Variants in SPATA18 observed in about 807,000 individuals in gnomAD.
SPATA18 encodes the protein mitochondria-eating protein.
Under a neutral mutation model 68.1 loss-of-function variants are expected in SPATA18, and 54 were observed. That is an observed-to-expected ratio of 0.79 (90% CI 0.64 to 0.99). The LOEUF is 0.99. SPATA18 is among the 50% of genes least tolerant of loss of function. The pLI, the probability that SPATA18 is intolerant of heterozygous loss-of-function variation, is 0.00. For missense variants in SPATA18, 724 were observed against 681.1 expected (o/e 1.06, Z -0.70); for synonymous variants, 242 against 244.8 (o/e 0.99, Z 0.11).
chr4:52,054,775 G>A (rs961385506), intron 1 of SPATA18, among the ~76,000 whole-genome samples: 14 of 151,606 alleles, frequency 9.2e-5, no homozygotes, highest in Non-Finnish European at 1.5e-4. Flanking sequence ...ACTGTGGAAC[G>A]GGAGGGGATC....
At position 52,071,971 on chromosome 4, in the gene SPATA18, G is replaced by A. The variant is rs774002045; in HGVS notation, c.573G>A (p.Arg191=). Residue 191 remains arginine, a synonymous_variant, in exon 6 of 13, where the codon AGG becomes AGA. Coordinates refer to ENST00000295213, the MANE Select transcript of SPATA18 (RefSeq NM_145263.4). ...EDARHRNTDQ[R]SSENRRSEPW... is the part of the protein sequence containing the mutation. The stretch of plus-strand genomic sequence containing the variant: ...CCCGCCACAGAAACACAGATCAGAG[G>A]AGCTCAGAGAATAGGCGGTCAGAGC... The A allele has an allele frequency of 1.7e-5, 27 of 1,613,836 alleles. No individual in the cohort carries two copies. The South Asian group carries it at 2.7e-4, about 16-fold the overall frequency.
At chr4:52,075,241 T>A (rs1251908724) in intron 6 of SPATA18, among the ~76,000 whole-genome samples, 1 of 152,142 alleles carries the variant, frequency 6.6e-6, no homozygotes, top group Non-Finnish European at 1.5e-5. Flanking sequence ...GTCCTGGATT[T>A]CTGCAGTGAT....
intron 11 of SPATA18, among the ~76,000 whole-genome samples, chr4:52,089,269 A>G (rs1741728413): frequency 6.6e-6 from 1 of 151,520 alleles, no homozygotes; most frequent in African/African-American, 2.4e-5. Flanking sequence ...AAGTGTTGTT[A>G]ATGTCTCTAT....
In SPATA18 at chr4:52,095,031, A is replaced by C; in HGVS notation, c.*144A>C. The C allele has an allele frequency of 2.1e-6, 2 of 971,328 alleles. No individual in the cohort carries two copies. The highest frequency in any genetic ancestry group is 2.8e-5 in the South Asian group (2 of 72,204). 60.2% of individuals were successfully genotyped at this position (971,328 alleles called of 1,614,324 possible). ...GTGTATCACCCCACACAGAGAGTTA[A>C]ATGTTTTGGCTTGGCGCATTTGTAA... On this transcript the variant is annotated 3_prime_UTR_variant, in exon 13 of 13. Coordinates refer to ENST00000295213, the MANE Select transcript of SPATA18 (RefSeq NM_145263.4).
At chr4:52,051,875 TTGG>T (rs993450030) in intron 1 of SPATA18, 84 bp downstream of exon 1, 37 of 1,303,730 alleles carry the variant, frequency 2.8e-5, no homozygotes, top group East Asian at 9.2e-5. Context: ...AGGGCTGGAG[TTGG>T]TGGCCACTTT....
At chr4:52,054,694 T>G (rs1423218450) in intron 1 of SPATA18, among the ~76,000 whole-genome samples, 1 of 152,002 alleles carries the variant, frequency 6.6e-6, no homozygotes, top group Non-Finnish European at 1.5e-5. Context: ...AACCAGCCTA[T>G]GGTCCGTGAT....
Position 52,079,932 on chromosome 4 carries a change from G to A in SPATA18, c.1355+13G>A. ...TTAATGATTGCAAGTAAGAGACACA[G>A]GAGCAGAAGCTAAGGGATTTATCAT... is the stretch of plus-strand genomic sequence containing the variant. On this transcript the variant is annotated intron_variant, in intron 9 of 12. Transcript: ENST00000295213. 2.5e-6 allele frequency: 4 copies of A among 1,607,808 alleles called. No homozygotes were observed.
intron 4 of SPATA18, among the ~76,000 whole-genome samples, chr4:52,067,273 A>G (rs1214323672): frequency 6.6e-6 from 1 of 151,992 alleles, no homozygotes; most frequent in Non-Finnish European, 1.5e-5. Context: ...TTGTTTTTAT[A>G]TGTTTGTGGG....
At chr4:52,092,990 G>C (rs562026553) in intron 11 of SPATA18, among the ~76,000 whole-genome samples, 1 of 152,272 alleles carries the variant, frequency 6.6e-6, no homozygotes, top group East Asian at 1.9e-4. Context: ...GGGACCACCA[G>C]AGAGTGGATG....
chr4:52,079,231 C>T (rs1189539124), intron 8 of SPATA18, among the ~76,000 whole-genome samples: 3 of 152,156 alleles, frequency 2.0e-5, no homozygotes, highest in Non-Finnish European at 2.9e-5. Flanking sequence ...TACACATTTA[C>T]TTAATCTCTG....
chr4:52,091,642 G>T (rs1741968599), intron 11 of SPATA18, among the ~76,000 whole-genome samples: 1 of 152,196 alleles, frequency 6.6e-6, no homozygotes, highest in East Asian at 1.9e-4. Flanking sequence ...CTTTCCTCTG[G>T]AAGCTTTAAC....
At chr4:52,062,101 T>C (rs1482525729) in intron 3 of SPATA18, 119 bp from the exon 4 acceptor site, 6 of 628,400 alleles carry the variant, frequency 9.5e-6, no homozygotes, top group South Asian at 8.5e-5. Context: ...TAGAACTTCA[T>C]GTGCATGGAG....
rs548312975 is a variant in SPATA18, at chr4:52,078,132, G to T, written c.1021-603G>T. On this transcript the variant is annotated intron_variant, in intron 7 of 12. Coordinates refer to ENST00000295213, the MANE Select transcript of SPATA18 (RefSeq NM_145263.4). Reference sequence around the variant, plus strand: ...GTAAAAAAAAAAAAAGACAGAAACTGTATGTAGCTCAACATGCATACAATA... The same window carrying T: ...GTAAAAAAAAAAAAAGACAGAAACTTTATGTAGCTCAACATGCATACAATA... 1.2e-4 allele frequency among the ~76,000 whole-genome samples: 18 copies of T among 150,826 alleles called. 1 individual carries two copies. Among genetic ancestry groups the T allele is most frequent in the Admixed American group, 7.2e-4 (11 of 15,184 alleles).
chr4:52,061,397 G>A (rs1738838023), intron 3 of SPATA18, among the ~76,000 whole-genome samples: 1 of 151,644 alleles, frequency 6.6e-6, no homozygotes, highest in African/African-American at 2.4e-5. Context: ...CTAGGTGACA[G>A]GTTGATAGGT....
chr4:52,095,215 CTG>C lies in SPATA18; in HGVS notation c.*333_*334del. 1 of 360,740 alleles carries C rather than the reference CTG, an allele frequency of 2.8e-6. No individual in the cohort carries two copies. Among genetic ancestry groups the C allele is most frequent in the Non-Finnish European group, 5.0e-6 (1 of 201,234 alleles). The allele number at this position is 360,740 out of a possible 1,614,324, so 22.3% of individuals were successfully genotyped here. A position where few individuals can be genotyped will look rare whatever the true frequency, so the allele number is the denominator to read the frequency against. Reference sequence around the variant, plus strand: ...AAAACACTACGCTCTTTTATGGGAACTGTGTGAACTGAAGTGGAAAGCATCTA... The same window carrying C: ...AAAACACTACGCTCTTTTATGGGAACTGTGAACTGAAGTGGAAAGCATCTA... On this transcript the variant is annotated 3_prime_UTR_variant, in exon 13 of 13. Coordinates refer to ENST00000295213, the MANE Select transcript of SPATA18 (RefSeq NM_145263.4).
chr4:52,089,187 G>A lies in SPATA18; in HGVS notation c.1563+4188G>A, dbSNP rs547509557. On this transcript the variant is annotated intron_variant, in intron 11 of 12. Transcript: ENST00000295213. ...TTCTTCTCTCTTTTCTTCCTTATTA[G>A]TCTGGCTAGCAGTATATCTATTTTG... 2.6e-3 allele frequency among the ~76,000 whole-genome samples: 389 copies of A among 151,750 alleles called. 1 individual carries two copies. The highest frequency in any genetic ancestry group is 5.8e-3 in the South Asian group (28 of 4,800).
In SPATA18 at chr4:52,069,856, A is replaced by G. The variant is rs575750092; in HGVS notation, c.458A>G (p.Lys153Arg). 141 of 1,598,098 alleles carry G rather than the reference A, an allele frequency of 8.8e-5. 1 individual carries two copies. In the South Asian group the frequency reaches 1.5e-3, roughly 17 times the overall value. ...VETEKNLEES[K>R]NRSAISLLAA... ...ACTGAAAAGAATCTTGAAGAAAGCA[A>G]GAACAGATCGGCCATATCCCTTTTG... Residue 153 changes from lysine (K) to arginine (R), a missense_variant, in exon 5 of 13, where the codon AAG (lysine) becomes AGG (arginine). Coordinates refer to ENST00000295213, the MANE Select transcript of SPATA18 (RefSeq NM_145263.4).
chr4:52,051,557 A>AG lies in SPATA18; in HGVS notation c.-143dup, dbSNP rs1192355170. The AG allele has an allele frequency of 2.6e-6, 2 of 768,862 alleles. No individual in the cohort carries two copies. The highest frequency in any genetic ancestry group is 4.4e-6 in the Non-Finnish European group (2 of 452,856). The allele number at this position is 768,862 out of a possible 1,614,324, so 47.6% of individuals were successfully genotyped here. A position where few individuals can be genotyped will look rare whatever the true frequency, so the allele number is the denominator to read the frequency against. ...CCCGAACCCGGCCAGGTCCGACCCG[A>AG]GGGGGAGGATGGAAACACCTGCCGC... is the stretch of plus-strand genomic sequence containing the variant. On this transcript the variant is annotated 5_prime_UTR_variant, in exon 1 of 13. An upstream open reading frame in the 5' UTR loses its in-frame stop. Coordinates refer to ENST00000295213, the MANE Select transcript of SPATA18 (RefSeq NM_145263.4).
intron 6 of SPATA18, among the ~76,000 whole-genome samples, chr4:52,072,663 C>T (rs535370044): frequency 1.1e-4 from 16 of 152,280 alleles, no homozygotes; most frequent in African/African-American, 3.8e-4. Flanking sequence ...GCCTCCACCT[C>T]CCAAAGTGCT....
Sources: allele counts gnomAD v4.1 joint callset (sites outside exome capture counted in the v4.1 genomes callset), GRCh38; gene constraint gnomAD v4.1.1; transcripts MANE v1.5; gene names NCBI Gene and HGNC (gene_info 2026-07-23, HGNC 2026-07-21).